Variants in HAUS3 observed in about 807,000 individuals in gnomAD.
HAUS3 encodes HAUS augmin like complex subunit 3.
Under a neutral mutation model 55.2 loss-of-function variants are expected in HAUS3, and 36 were observed. The ratio of observed to expected loss-of-function variants is 0.65; its 90% CI spans 0.50 to 0.86. The LOEUF is 0.86. Among genes scored for constraint, HAUS3 ranks in the 40% least tolerant of loss-of-function variants. The probability of loss-of-function intolerance (pLI) is 0.00; values close to 1 mark genes in which losing one functional copy is unlikely to be tolerated. For missense variants in HAUS3, 752 were observed against 671.5 expected (o/e 1.12, Z -1.33); for synonymous variants, 234 against 238.6 (o/e 0.98, Z 0.18).
intron 5 of HAUS3, among the ~76,000 whole-genome samples, chr4:2,235,440 T>C (rs750598063): frequency 4.6e-5 from 7 of 152,234 alleles, no homozygotes; most frequent in Admixed American, 1.3e-4. Flanking sequence ...AAGACCATCA[T>C]AGCAGTATGA....
chr4:2,241,378 G>A (rs1734979688), intron 2 of HAUS3, 142 bp downstream of exon 2: 1 of 443,186 alleles, frequency 2.3e-6, no homozygotes, highest in Non-Finnish European at 3.0e-6. Flanking sequence ...TTATAGAGCA[G>A]CATTTGTTTT....
intron 3 of HAUS3, among the ~76,000 whole-genome samples, chr4:2,239,431 A>G (rs1734891962): frequency 6.6e-6 from 1 of 152,236 alleles, no homozygotes; most frequent in Non-Finnish European, 1.5e-5. Context: ...CTACGTAATT[A>G]TTGGATTTCC....
chr4:2,233,003 A>T (rs184406121), intron 5 of HAUS3, among the ~76,000 whole-genome samples: 1 of 152,244 alleles, frequency 6.6e-6, no homozygotes, highest in Admixed American at 6.5e-5. Context: ...TAAATTACTT[A>T]ATCTCTGTAC....
Position 2,231,898 on chromosome 4 carries a change from C to A in HAUS3, c.*29G>T, listed in dbSNP as rs371093295. The A allele has an allele frequency of 1.1e-6, 1 of 941,534 alleles. No homozygotes were observed. The highest frequency in any genetic ancestry group is 1.7e-6 in the Non-Finnish European group (1 of 604,746). The allele number at this position is 941,534 out of a possible 1,614,324, so 58.3% of individuals were successfully genotyped here. A position where few individuals can be genotyped will look rare whatever the true frequency, so the allele number is the denominator to read the frequency against. On this transcript the variant is annotated 3_prime_UTR_variant, in exon 6 of 6. Coordinates refer to ENST00000443786, the MANE Select transcript of HAUS3 (RefSeq NM_001303143.2). ...GTCTTCTAATAAATAAAAGAGGACA[C>A]GTAATAAAGATTCAGTTTTCAGTAA...
rs1285233297 is a variant in HAUS3 at position 2,242,103 on chromosome 4, G to A, written c.-471C>T. The A allele has an allele frequency of 9.1e-6, 9 of 985,786 alleles. No homozygotes were observed. The highest frequency in any genetic ancestry group is 9.4e-5 in the South Asian group (2 of 21,340). 61.1% of individuals were successfully genotyped at this position (985,786 alleles called of 1,614,324 possible). ...GGAGCCCGCCGCCACCGCCCTCCGT[G>A]CCCCGCGCGCCTCGCACTGCCTCAC... On this transcript the variant is annotated 5_prime_UTR_variant, in exon 1 of 6. Coordinates refer to ENST00000443786, the MANE Select transcript of HAUS3 (RefSeq NM_001303143.2).
rs147357419 is a variant in HAUS3, at chr4:2,238,650, T to C, written c.1303A>G (p.Ile435Val). The change falls in exon 4 of 6, where the codon ATA becomes GTA. Residue 435 changes from isoleucine to valine, a missense_variant. Ile to Val is a conservative substitution (Grantham distance 29). Coordinates refer to ENST00000443786, the MANE Select transcript of HAUS3 (RefSeq NM_001303143.2). ...GTATCAATGGTATTCCTTGGATTTA[T>C]CTGTTGAGAAACTGATGGATCTGTT... Reference protein sequence around the residue: ...MLTDPSVSQQINPRNTIDTKD... With the variant: ...MLTDPSVSQQVNPRNTIDTKD... 153 of 1,611,572 alleles carry C rather than the reference T, an allele frequency of 9.5e-5. 2 individuals carry two copies. The African/African-American group carries it at 1.4e-3, about 14-fold the overall frequency.
chr4:2,239,681 G>A (rs1391648345), intron 3 of HAUS3, among the ~76,000 whole-genome samples: 1 of 152,198 alleles, frequency 6.6e-6, no homozygotes, highest in African/African-American at 2.4e-5. Flanking sequence ...TGGAGCAAAC[G>A]AGGCAGAATA....
Position 2,229,302 on chromosome 4 carries a change from G to C in HAUS3, c.*2625C>G. ...ATATTAATCCTAAGACTATAAAACA[G>C]GAAATACAATTATTTTCAAAAATTT... On this transcript the variant is annotated 3_prime_UTR_variant, in exon 6 of 6. Transcript: ENST00000443786. The C allele has an allele frequency of 7.6e-7, 1 of 1,314,534 alleles. No individual in the cohort carries two copies. The highest frequency in any genetic ancestry group is 1.0e-6 in the Non-Finnish European group (1 of 980,408). 81.4% of individuals were successfully genotyped at this position (1,314,534 alleles called of 1,614,324 possible). A position where few individuals can be genotyped will look rare whatever the true frequency, so the allele number is the denominator to read the frequency against.
rs1734524089 is a variant in HAUS3 at position 2,229,997 on chromosome 4, T to C, written c.*1930A>G. 1 of 152,010 alleles carries C rather than the reference T, an allele frequency of 6.6e-6. No individual in the cohort carries two copies. Among genetic ancestry groups the C allele is most frequent in the Non-Finnish European group, 1.5e-5 (1 of 68,058 alleles). 9.4% of individuals were successfully genotyped at this position (152,010 alleles called of 1,614,324 possible). A position where few individuals can be genotyped will look rare whatever the true frequency, so the allele number is the denominator to read the frequency against. On this transcript the variant is annotated 3_prime_UTR_variant, in exon 6 of 6. Transcript: ENST00000443786. ...AGTCAAGGTTTGGGTGGGGACAGTATAAATCAAGCATCTGGGCAGGGGCAT... is the reference window on the plus strand; with the variant it reads ...AGTCAAGGTTTGGGTGGGGACAGTACAAATCAAGCATCTGGGCAGGGGCAT...
rs1734536594 is a variant in HAUS3, at chr4:2,230,330, A to T, written c.*1597T>A. On this transcript the variant is annotated 3_prime_UTR_variant, in exon 6 of 6. Transcript: ENST00000443786. ...TAATAAATCAAGCGTCTGGCCACAC[A>T]TCTAAATATGTGACACTAATTTAAA... The T allele has an allele frequency of 6.6e-6, 1 of 152,094 alleles. No individual in the cohort carries two copies. Among genetic ancestry groups the T allele is most frequent in the Non-Finnish European group, 1.5e-5 (1 of 67,950 alleles). 9.4% of individuals were successfully genotyped at this position (152,094 alleles called of 1,614,324 possible). A position where few individuals can be genotyped will look rare whatever the true frequency, so the allele number is the denominator to read the frequency against.
chr4:2,235,237 A>T (rs999458582), intron 5 of HAUS3, among the ~76,000 whole-genome samples: 1 of 152,256 alleles, frequency 6.6e-6, no homozygotes, highest in African/African-American at 2.4e-5. Flanking sequence ...TAAATCCACC[A>T]TCGCAGTGGA....
chr4:2,240,682 A>T lies in HAUS3; in HGVS notation c.265T>A (p.Leu89Met). 6.2e-7 allele frequency: 1 copy of T among 1,614,038 alleles called. No homozygotes were observed. Among genetic ancestry groups the T allele is most frequent in the East Asian group, 2.2e-5 (1 of 44,872 alleles). ...TTATCATCCAGTCTAGGTGTCTTCA[A>T]ATCAGAAGTTTTACACGTTTTAAGA... ...EALKTCKTSD[L>M]KTPRLDDKEL... Residue 89 changes from leucine to methionine, a missense_variant, in exon 3 of 6, where the codon TTG becomes ATG. Coordinates refer to ENST00000443786, the MANE Select transcript of HAUS3 (RefSeq NM_001303143.2).
rs758388166 is a variant in HAUS3 at position 2,231,903 on chromosome 4, T to TA, written c.*23dup. On this transcript the variant is annotated 3_prime_UTR_variant, in exon 6 of 6. Transcript: ENST00000443786. ...CTAATAAATAAAAGAGGACACGTAA[T>TA]AAAGATTCAGTTTTCAGTAATTTTC... 63 of 990,614 alleles carry TA rather than the reference T, an allele frequency of 6.4e-5. No homozygotes were observed. The highest frequency in any genetic ancestry group is 9.4e-5 in the Non-Finnish European group (61 of 646,664). The allele number at this position is 990,614 out of a possible 1,614,324, so 61.4% of individuals were successfully genotyped here. A position where few individuals can be genotyped will look rare whatever the true frequency, so the allele number is the denominator to read the frequency against.
chr4:2,235,927 CTAAGA>C (rs1441063120), intron 5 of HAUS3, among the ~76,000 whole-genome samples: 9 of 151,718 alleles, frequency 5.9e-5, no homozygotes, highest in Non-Finnish European at 8.8e-5. Flanking sequence ...CCTGTGTTTG[CTAAGA>C]TGAGTGAAAA....
intron 4 of HAUS3, among the ~76,000 whole-genome samples, chr4:2,237,951 GTGGTACCCCC>G (rs1334933951): frequency 1.3e-5 from 2 of 152,136 alleles, no homozygotes; most frequent in Non-Finnish European, 2.9e-5. Flanking sequence ...CATAATGTCA[GTGGTACCCCC>G]TGAAATTGTG....
At position 2,232,009 on chromosome 4, in the gene HAUS3, A is replaced by T; in HGVS notation, c.1730T>A (p.Leu577Ter). The T allele has an allele frequency of 6.6e-7, 1 of 1,506,988 alleles. No homozygotes were observed. The highest frequency in any genetic ancestry group is 9.2e-7 in the Non-Finnish European group (1 of 1,089,608). 93.4% of individuals were successfully genotyped at this position (1,506,988 alleles called of 1,614,324 possible). The change falls in exon 6 of 6, where the codon TTA becomes TAA. Residue 577 changes from leucine (L) to a stop codon, truncating the protein, a stop_gained. Coordinates refer to ENST00000443786, the MANE Select transcript of HAUS3 (RefSeq NM_001303143.2). LOFTEE classifies it high-confidence loss of function. ...QMEREFYVYF[L>*]KDEDYLKDIV... ...ATCTTTCAGATAATCTTCATCTTTT[A>T]AAAAATATACATAGAATTCTCTTTC...
At chr4:2,241,862 C>G (rs960566310) in intron 1 of HAUS3, 72 bp from the exon 2 acceptor site, 91 of 985,436 alleles carry the variant, frequency 9.2e-5, no homozygotes, top group Non-Finnish European at 1.1e-4. Flanking sequence ...GGTGACAGGC[C>G]CCGCACAGCC....
rs919267187 is a variant in HAUS3, at chr4:2,230,772, A to C, written c.*1155T>G. ...TCTTAAAGGTATTCCTACAAAGCTC[A>C]CATGGTATTTACCACAGGCCATGTA... On this transcript the variant is annotated 3_prime_UTR_variant, in exon 6 of 6. Transcript: ENST00000443786. 6.6e-6 allele frequency: 1 copy of C among 152,148 alleles called. No homozygotes were observed. The highest frequency in any genetic ancestry group is 1.5e-5 in the Non-Finnish European group (1 of 68,038). 9.4% of individuals were successfully genotyped at this position (152,148 alleles called of 1,614,324 possible).
rs1339456011 is a variant in HAUS3 at position 2,229,177 on chromosome 4, T to C, written c.*2750A>G. ...GCAGACATAATCTTCTGAGCAACAC[T>C]GGAGAGCGGTGTATTACAGAGATCA... On this transcript the variant is annotated 3_prime_UTR_variant, in exon 6 of 6. Coordinates refer to ENST00000443786, the MANE Select transcript of HAUS3 (RefSeq NM_001303143.2). 2 of 1,610,738 alleles carry C rather than the reference T, an allele frequency of 1.2e-6. No homozygotes were observed. The highest frequency in any genetic ancestry group is 2.2e-5 in the South Asian group (2 of 91,006).
Sources: gnomAD v4.1 joint callset for allele counts (sites outside exome capture counted in the v4.1 genomes callset) on GRCh38, gnomAD v4.1.1 for gene constraint, MANE v1.5 for transcripts, NCBI Gene and HGNC (gene_info 2026-07-23, HGNC 2026-07-21) for gene names.